Variants in LSP1 observed in about 807,000 individuals in gnomAD.
The protein encoded by LSP1 is lymphocyte specific protein 1, also known as lymphocyte-specific protein 1.
In LSP1, 32 loss-of-function variants were observed where a neutral mutation model predicts 49.3. The ratio of observed to expected loss-of-function variants is 0.65; its 90% confidence interval spans 0.49 to 0.87. The LOEUF (loss-of-function observed/expected upper bound fraction) is 0.87, where lower values mean the gene tolerates loss of function less well. LSP1 is among the 40% of genes least tolerant of loss of function. The probability of loss-of-function intolerance (pLI) is 0.00; values close to 1 mark genes in which losing one functional copy is unlikely to be tolerated. For synonymous variants in LSP1, 179 were observed against 178.8 expected (o/e 1.00, Z -0.01); for missense variants, 428 against 442.6 (o/e 0.97, Z 0.30).
chr11:1,868,182 G>T (rs543304134), intron 1 of LSP1, among the ~76,000 whole-genome samples: 1 of 152,388 alleles, frequency 6.6e-6, no homozygotes, highest in South Asian at 2.1e-4. Context: ...CCAGCGGCCT[G>T]GCCCTGCTAC....
At chr11:1,861,847 A>T (rs200239196) in intron 1 of LSP1, among the ~76,000 whole-genome samples, 6 of 149,088 alleles carry the variant, frequency 4.0e-5, no homozygotes, top group East Asian at 4.0e-4. Context: ...GGATGGATTG[A>T]TGAGTGGATG....
chr11:1,888,020 G>A (rs1002062684), intron 10 of LSP1, among the ~76,000 whole-genome samples: 3 of 152,276 alleles, frequency 2.0e-5, no homozygotes, highest in South Asian at 2.1e-4. Context: ...AGCCGAGAGC[G>A]ATTCAGAGGT....
intron 1 of LSP1, among the ~76,000 whole-genome samples, chr11:1,854,648 C>T (rs1360923166): frequency 6.6e-6 from 1 of 151,894 alleles, no homozygotes. Context: ...AGGGCTGGGT[C>T]GGGACGTCCG....
chr11:1,853,099 A>G lies in LSP1; in HGVS notation c.-46A>G, dbSNP rs757755292. ...ACTGAAAGCCACAGCACGTACACCCACTCCAGGGATCTGCCAGCACCCTGT... is the reference window on the plus strand; with the variant it reads ...ACTGAAAGCCACAGCACGTACACCCGCTCCAGGGATCTGCCAGCACCCTGT... On this transcript the variant is annotated 5_prime_UTR_variant, in exon 1 of 11. Transcript: ENST00000311604. 2 of 1,586,522 alleles carry G rather than the reference A, an allele frequency of 1.3e-6. No individual in the cohort carries two copies. The highest frequency in any genetic ancestry group is 1.8e-5 in the Admixed American group (1 of 54,842).
At position 1,884,182 on chromosome 11, in the gene LSP1, G is replaced by C. The variant is rs1418615864; in HGVS notation, c.592-98G>C. The C allele has an allele frequency of 6.8e-7, 1 of 1,475,702 alleles. No homozygotes were observed. Among genetic ancestry groups the C allele is most frequent in the Admixed American group, 1.7e-5 (1 of 59,724 alleles). The allele number at this position is 1,475,702 out of a possible 1,614,324, so 91.4% of individuals were successfully genotyped here. Reference sequence around the variant, plus strand: ...TGCTCAGCGAACCCCCATGATATAAGGGTTGGGGGTTGGATTAGTGGTTGG... The same window carrying C: ...TGCTCAGCGAACCCCCATGATATAACGGTTGGGGGTTGGATTAGTGGTTGG... On this transcript the variant is annotated intron_variant, in intron 5 of 10. Coordinates refer to ENST00000311604, the MANE Select transcript of LSP1 (RefSeq NM_002339.3). The surrounding 1 kb of genome is among the most constrained non-coding windows in gnomAD (Gnocchi z 4.1).
chr11:1,890,078 A>G (rs1231331918), intron 10 of LSP1: 26 of 714,624 alleles, frequency 3.6e-5, no homozygotes, highest in Non-Finnish European at 6.8e-5. Flanking sequence ...CCCCAGAGAC[A>G]GGGACGAAGC....
chr11:1,889,720 G>A (rs569926247), intron 10 of LSP1: 67 of 652,288 alleles, frequency 1.0e-4, no homozygotes, highest in African/African-American at 8.6e-4. Flanking sequence ...TCTCTGCCAG[G>A]GCCCATGGGG....
At chr11:1,875,214 A>AG (rs1275816977) in intron 1 of LSP1, among the ~76,000 whole-genome samples, 9 of 152,126 alleles carry the variant, frequency 5.9e-5, no homozygotes, top group African/African-American at 2.2e-4. Flanking sequence ...CAACCCGCTG[A>AG]GGAGTTCTGT....
At chr11:1,880,344 A>C (rs976672514) in intron 2 of LSP1, 120 bp downstream of exon 2, 30 of 1,247,270 alleles carry the variant, frequency 2.4e-5, no homozygotes, top group Non-Finnish European at 3.1e-5. Flanking sequence ...GAGAGCGAGG[A>C]AGGGCCCCCA....
At chr11:1,856,399 C>A (rs947346016) in intron 1 of LSP1, among the ~76,000 whole-genome samples, 2 of 152,224 alleles carry the variant, frequency 1.3e-5, no homozygotes, top group African/African-American at 4.8e-5. Flanking sequence ...TGGCACATGC[C>A]CCTCCTAGCA....
At chr11:1,881,399 G>T (rs368929394) in intron 2 of LSP1, 33 bp from the exon 3 acceptor site, 2 of 1,532,242 alleles carry the variant, frequency 1.3e-6, no homozygotes, top group Non-Finnish European at 8.8e-7. Flanking sequence ...GGCAGCAGCC[G>T]CCCAGGCCTA....
Position 1,876,669 on chromosome 11 carries a change from C to T in LSP1, c.54-3418C>T, listed in dbSNP as rs1050524016. ...AGGTGGGTAGCTGGGAGTGCTGGGCCGAGGATGGGCATTGTCAGGCCCTCA... is the reference window on the plus strand; with the variant it reads ...AGGTGGGTAGCTGGGAGTGCTGGGCTGAGGATGGGCATTGTCAGGCCCTCA... On this transcript the variant is annotated intron_variant, in intron 1 of 10. Transcript: ENST00000311604. 9 of 978,546 alleles carry T rather than the reference C, an allele frequency of 9.2e-6. No individual in the cohort carries two copies. In the African/African-American group the frequency reaches 1.2e-4, roughly 13 times the overall value. 60.6% of individuals were successfully genotyped at this position (978,546 alleles called of 1,614,324 possible). A position where few individuals can be genotyped will look rare whatever the true frequency, so the allele number is the denominator to read the frequency against.
chr11:1,885,409 C>T (rs985165958), intron 7 of LSP1, among the ~76,000 whole-genome samples: 5 of 151,966 alleles, frequency 3.3e-5, no homozygotes, highest in Non-Finnish European at 5.9e-5. Flanking sequence ...CACCTTCATC[C>T]AATCAATACC....
intron 1 of LSP1, among the ~76,000 whole-genome samples, chr11:1,867,996 C>T (rs964365107): frequency 6.6e-6 from 1 of 152,218 alleles, no homozygotes; most frequent in African/African-American, 2.4e-5. Context: ...ACCCCCAATG[C>T]CTCCCTGCCA....
At position 1,887,683 on chromosome 11, in the gene LSP1, GTGGACT is replaced by G; in HGVS notation, c.*13+108_*13+113del. 3 of 823,384 alleles carry G rather than the reference GTGGACT, an allele frequency of 3.6e-6. No homozygotes were observed. In the South Asian group the frequency reaches 4.9e-5, roughly 13 times the overall value. The allele number at this position is 823,384 out of a possible 1,614,324, so 51.0% of individuals were successfully genotyped here. The stretch of plus-strand genomic sequence containing the variant: ...TGGAGCCCTGTTGCAGGCTACAAGG[GTGGACT>G]CCGAGTTGGCCAGAACCCAGACCAG... On this transcript the variant is annotated intron_variant, in intron 10 of 10. Transcript: ENST00000311604.
rs375369499 is a variant in LSP1 at position 1,882,364 on chromosome 11, G to A, written c.356+768G>A. 2.0e-5 allele frequency among the ~76,000 whole-genome samples: 3 copies of A among 152,262 alleles called. No homozygotes were observed. In the East Asian group the frequency reaches 5.8e-4, roughly 29 times the overall value. ...TTCTCCCTGGTCAGGGTCCTTCCTG[G>A]CCCCTCTGAGGCCCTAAACCAGCCT... On this transcript the variant is annotated intron_variant, in intron 3 of 10. Coordinates refer to ENST00000311604, the MANE Select transcript of LSP1 (RefSeq NM_002339.3).
chr11:1,876,716 T>A, intron 1 of LSP1: 1 of 826,142 alleles, frequency 1.2e-6, no homozygotes, highest in Non-Finnish European at 1.4e-6. Context: ...GAGGTAGAAG[T>A]GGGGGTGGGG....
intron 10 of LSP1, chr11:1,890,519 T>G (rs1457934881): frequency 4.2e-6 from 3 of 715,142 alleles, no homozygotes; most frequent in Non-Finnish European, 7.8e-6. Flanking sequence ...GCGGTGGGGG[T>G]CCAGGGGTTC....
rs1848183043 is a variant in LSP1 at position 1,874,033 on chromosome 11, C to CGGCGGAGGAGGGAGGCT, written c.54-6051_54-6050insGGAGGAGGGAGGCTGGC. 1.7e-5 allele frequency among the ~76,000 whole-genome samples: 2 copies of CGGCGGAGGAGGGAGGCT among 114,832 alleles called. 1 individual carries two copies. Among genetic ancestry groups the CGGCGGAGGAGGGAGGCT allele is most frequent in the Non-Finnish European group, 3.6e-5 (2 of 55,998 alleles). The allele number at this position is 114,832 out of a possible 152,430, so 75.3% of individuals were successfully genotyped here. On this transcript the variant is annotated intron_variant, in intron 1 of 10. Transcript: ENST00000311604. ...AGGGAGGCCGGCAGAGGAGGGAGGCCGGCAGAGGAGGGAGGCTGGCAGAGC... is the reference window on the plus strand; with the variant it reads ...AGGGAGGCCGGCAGAGGAGGGAGGCCGGCGGAGGAGGGAGGCTGGCAGAGGAGGGAGGCTGGCAGAGC...
Sources: allele counts gnomAD v4.1 joint callset (sites outside exome capture counted in the v4.1 genomes callset), GRCh38; gene constraint gnomAD v4.1.1; non-coding constraint Gnocchi (gnomAD v3.1); transcripts MANE v1.5; gene names NCBI Gene and HGNC (gene_info 2026-07-23, HGNC 2026-07-21).